PHLPP2: variants seen among roughly 807,000 people sequenced by gnomAD.
The protein encoded by PHLPP2 is PH domain leucine-rich repeat-containing protein phosphatase 2.
PHLPP2 carries 66 observed loss-of-function variants against 124.9 expected under a neutral mutation model. That is an observed-to-expected ratio of 0.53 (90% CI 0.43 to 0.65). The LOEUF (loss-of-function observed/expected upper bound fraction) is 0.65. PHLPP2 is among the 30% of genes least tolerant of loss of function. PHLPP2 has a pLI of 0.00. For missense variants in PHLPP2, 1,685 were observed against 1,600.4 expected, an observed-to-expected ratio of 1.05 and a Z score of -0.90; for synonymous variants, 681 against 624.7, an observed-to-expected ratio of 1.09 and a Z score of -1.34.
Position 71,672,306 on chromosome 16 carries a change from G to T in PHLPP2, c.1488C>A (p.Asn496Lys). 1 of 1,613,154 alleles carries T rather than the reference G, an allele frequency of 6.2e-7. No homozygotes were observed. Among genetic ancestry groups the T allele is most frequent in the Non-Finnish European group, 8.5e-7 (1 of 1,179,162 alleles). The change falls in exon 10 of 19, where the codon AAC becomes AAA. Residue 496 changes from asparagine (N) to lysine (K), a missense_variant. By Grantham distance (94) the Asn-to-Lys change is moderately conservative. Transcript: ENST00000568954. The part of the protein sequence containing the change: ...YASSNRLTAV[N>K]VYPVPSLLTF... ...TGAGCAGGCTGGGTACTGGATAGACGTTCACTGCTGTCAGCCCTAATCCAA... is the reference window on the plus strand; with the variant it reads ...TGAGCAGGCTGGGTACTGGATAGACTTTCACTGCTGTCAGCCCTAATCCAA...
intron 2 of PHLPP2, among the ~76,000 whole-genome samples, chr16:71,710,681 C>T (rs968293909): frequency 3.3e-5 from 5 of 152,248 alleles, no homozygotes; most frequent in African/African-American, 1.2e-4. Flanking sequence ...TCCACCTAAA[C>T]CTACTGAATC....
At chr16:71,707,680 G>A (rs569098798) in intron 2 of PHLPP2, among the ~76,000 whole-genome samples, 1 of 152,214 alleles carries the variant, frequency 6.6e-6, no homozygotes, top group Non-Finnish European at 1.5e-5. Flanking sequence ...ATTCCACTGG[G>A]AGAGGGTACA....
chr16:71,669,048 TCA>T (rs1160259240), intron 11 of PHLPP2, among the ~76,000 whole-genome samples: 1 of 152,218 alleles, frequency 6.6e-6, no homozygotes, highest in Admixed American at 6.5e-5. Flanking sequence ...ATTTATTTCA[TCA>T]CAGTTATCCA....
chr16:71,682,119 T>C (rs2045005492), intron 5 of PHLPP2, among the ~76,000 whole-genome samples: 1 of 151,664 alleles, frequency 6.6e-6, no homozygotes. Context: ...AATTATAAAG[T>C]CTCTATAAGT....
At chr16:71,667,090 C>A in intron 12 of PHLPP2, 88 bp downstream of exon 12, 2 of 1,132,618 alleles carry the variant, frequency 1.8e-6, no homozygotes, top group African/African-American at 3.1e-5. Flanking sequence ...TCTGTAAATA[C>A]AGTTCCAAAG....
rs1203747217 is a variant in PHLPP2 at position 71,667,187 on chromosome 16, T to G, written c.1775A>C (p.Lys592Thr). 1.7e-5 allele frequency: 27 copies of G among 1,612,780 alleles called. No homozygotes were observed. Among genetic ancestry groups the G allele is most frequent in the Non-Finnish European group, 2.2e-5 (26 of 1,179,618 alleles). ...ATCCTATGATACTTACTTTAAGGCC[T>G]TGGAGAAGAGGGTGTCTGGCAGCCT... ...LTRLPDTLFS[K>T]ALNLRYLNAS... The change falls in exon 12 of 19, where the codon AAG (lysine) becomes ACG (threonine). Residue 592 changes from lysine to threonine, a missense_variant. Physicochemically the swap from Lys to Thr is moderately conservative, Grantham distance 78 (BLOSUM62 -1). Transcript: ENST00000568954.
Position 71,647,162 on chromosome 16 carries a change from A to G in PHLPP2, c.*1728T>C, listed in dbSNP as rs1299682762. ...ATTGTAAAAGTGTTCCAAAAATTCAAAGCACATTCCCCATTGGGTAAAATC... is the reference window on the plus strand; with the variant it reads ...ATTGTAAAAGTGTTCCAAAAATTCAGAGCACATTCCCCATTGGGTAAAATC... On this transcript the variant is annotated 3_prime_UTR_variant, in exon 19 of 19. Coordinates refer to ENST00000568954, the MANE Select transcript of PHLPP2 (RefSeq NM_015020.3). 6.6e-6 allele frequency: 1 copy of G among 152,650 alleles called. No individual in the cohort carries two copies. The highest frequency in any genetic ancestry group is 1.5e-5 in the Non-Finnish European group (1 of 68,034). The allele number at this position is 152,650 out of a possible 1,614,324, so 9.5% of individuals were successfully genotyped here.
chr16:71,707,043 C>A (rs1193203681), intron 2 of PHLPP2, among the ~76,000 whole-genome samples: 1 of 147,826 alleles, frequency 6.8e-6, no homozygotes, highest in African/African-American at 2.5e-5. Flanking sequence ...AGGCTCCGCC[C>A]CCTGGGGTTC....
chr16:71,702,738 A>C lies in PHLPP2; in HGVS notation c.285-7T>G, dbSNP rs1235090989. 1 of 1,564,492 alleles carries C rather than the reference A, an allele frequency of 6.4e-7. No homozygotes were observed. The highest frequency in any genetic ancestry group is 2.3e-5 in the East Asian group (1 of 44,442). On this transcript the variant is annotated splice_polypyrimidine_tract_variant and splice_region_variant and intron_variant, in intron 2 of 18. Transcript: ENST00000568954. Reference sequence around the variant, plus strand: ...TTCAGTAGGTTCCAGTCTCCTGATTACACAATTCAAAAAAATATATATATT... The same window carrying C: ...TTCAGTAGGTTCCAGTCTCCTGATTCCACAATTCAAAAAAATATATATATT...
At chr16:71,667,106 T>C in intron 12 of PHLPP2, 72 bp downstream of exon 12, 1 of 1,288,086 alleles carries the variant, frequency 7.8e-7, no homozygotes, top group Non-Finnish European at 1.1e-6. Flanking sequence ...CAAAGGTCAC[T>C]CCAATGATAA....
chr16:71,649,156 A>C lies in PHLPP2; in HGVS notation c.3706T>G (p.Tyr1236Asp), dbSNP rs1360481815. 6.2e-7 allele frequency: 1 copy of C among 1,614,012 alleles called. No individual in the cohort carries two copies. The highest frequency in any genetic ancestry group is 1.3e-5 in the African/African-American group (1 of 74,908). ...LQKSPSTSCLYGKKLSNGSIV... is the reference protein window; with the variant it reads ...LQKSPSTSCLDGKKLSNGSIV... ...GAGCCATTGGAGAGTTTCTTCCCAT[A>C]GAGGCAGGAGGTGGAGGGAGACTTC... The change falls in exon 19 of 19, where the codon TAT (tyrosine) becomes GAT (aspartate). Residue 1236 changes from tyrosine to aspartate, a missense_variant. Transcript: ENST00000568954.
intron 18 of PHLPP2, among the ~76,000 whole-genome samples, chr16:71,650,531 T>TA (rs1447495542): frequency 6.6e-6 from 1 of 152,152 alleles, no homozygotes; most frequent in Non-Finnish European, 1.5e-5. Flanking sequence ...TTATTCAGCC[T>TA]AAAAAAGGGG....
At position 71,714,763 on chromosome 16, in the gene PHLPP2, A is replaced by G. The variant is rs984860529; in HGVS notation, c.33T>C (p.Asn11=). The stretch of plus-strand genomic sequence containing the variant: ...CTCGAGAACCAAACCTACTTCTCCT[A>G]TTCAAACAATTTCTGCTCCCATTGC... MKRNGSRNCL[N]RRSRFGSRER... is the part of the protein sequence containing the mutation. The change falls in exon 2 of 19, where the codon AAT becomes AAC. Residue 11 remains asparagine (N), a synonymous_variant. Transcript: ENST00000568954. 1 of 1,613,744 alleles carries G rather than the reference A, an allele frequency of 6.2e-7. No individual in the cohort carries two copies. The highest frequency in any genetic ancestry group is 8.5e-7 in the Non-Finnish European group (1 of 1,179,904).
At chr16:71,662,143 G>C (rs2044797597) in intron 13 of PHLPP2, among the ~76,000 whole-genome samples, 1 of 151,726 alleles carries the variant, frequency 6.6e-6, no homozygotes, top group African/African-American at 2.4e-5. Flanking sequence ...AAGGTTAGTC[G>C]GGTGCGGGCC....
rs28627184 is a variant in PHLPP2, at chr16:71,690,171, G to A, written c.609+348C>T. On this transcript the variant is annotated intron_variant, in intron 4 of 18. Transcript: ENST00000568954. ...AGACTCTGAATTTTAATTTAATTGG[G>A]GGGGAAAAAAAACCCCGAAAGAATC... is the stretch of plus-strand genomic sequence containing the variant. Among the ~76,000 whole-genome samples the A allele has an allele frequency of 5.9e-3, 905 of 152,132 alleles. 9 individuals are homozygous for A. Among genetic ancestry groups the A allele is most frequent in the African/African-American group, 0.02 (832 of 41,508 alleles).
In PHLPP2 at chr16:71,649,009, G is replaced by T; in HGVS notation, c.3853C>A (p.His1285Asn). The stretch of plus-strand genomic sequence containing the variant: ...TCCTTCACTTCTTCTTCCAGGTCAT[G>T]AGGCACAACAAACTGGTCCTCTGGT... Reference protein sequence around the residue: ...MEPEDQFVVPHDLEEEVKEQM... With the variant: ...MEPEDQFVVPNDLEEEVKEQM... Residue 1285 changes from histidine to asparagine, a missense_variant, in exon 19 of 19, where the codon CAT becomes AAT. By Grantham distance (68) the His-to-Asn change is moderately conservative. Transcript: ENST00000568954. 2 of 1,614,080 alleles carry T rather than the reference G, an allele frequency of 1.2e-6. No homozygotes were observed. Among genetic ancestry groups the T allele is most frequent in the Admixed American group, 3.3e-5 (2 of 60,020 alleles).
At chr16:71,670,006 C>T (rs2044877057) in intron 10 of PHLPP2, among the ~76,000 whole-genome samples, 1 of 152,148 alleles carries the variant, frequency 6.6e-6, no homozygotes, top group Admixed American at 6.6e-5. Flanking sequence ...ACACATATTG[C>T]TATACCTTAG....
rs369062553 is a variant in PHLPP2, at chr16:71,678,849, T to C, written c.1174A>G (p.Met392Val). Residue 392 changes from methionine to valine, a missense_variant, in exon 8 of 19, where the codon ATG becomes GTG. Met to Val is a conservative substitution (Grantham distance 21, BLOSUM62 1). Transcript: ENST00000568954. ...QIPEVYEKLT[M>V]LDRVVMAGNC... ...CCTGCCATAACCACTCTATCTAACATAGTGAGTTTCTCATAAACCTCAGGA... is the reference window on the plus strand; with the variant it reads ...CCTGCCATAACCACTCTATCTAACACAGTGAGTTTCTCATAAACCTCAGGA... 7.4e-6 allele frequency: 12 copies of C among 1,612,036 alleles called. No individual in the cohort carries two copies. In the African/African-American group the frequency reaches 8.0e-5, roughly 11 times the overall value.
At chr16:71,672,202 A>T in intron 10 of PHLPP2, 60 bp downstream of exon 10, 1 of 1,290,788 alleles carries the variant, frequency 7.7e-7, no homozygotes, top group South Asian at 1.3e-5. Context: ...ACTGCCAAAA[A>T]ATCCACATGT....
Sources: gnomAD v4.1 joint callset for allele counts (sites outside exome capture counted in the v4.1 genomes callset) on GRCh38, gnomAD v4.1.1 for gene constraint, MANE v1.5 for transcripts, NCBI Gene and HGNC (gene_info 2026-07-23, HGNC 2026-07-21) for gene names.